TMC5: variants seen among roughly 807,000 people sequenced by gnomAD.
TMC5 encodes the protein transmembrane channel like 5, also known as transmembrane channel-like protein 5.
In TMC5, 86 loss-of-function variants were observed where a neutral mutation model predicts 110.5. The ratio of observed to expected loss-of-function variants is 0.78; its 90% confidence interval spans 0.65 to 0.93. TMC5 has a LOEUF of 0.93. Ranked by LOEUF, TMC5 falls within the 40% of genes least tolerant of loss-of-function variation. The pLI, the probability that TMC5 is intolerant of heterozygous loss-of-function variation, is 0.00. For missense variants in TMC5, 1,144 were observed against 1,222.8 expected (o/e 0.94, Z 0.96); for synonymous variants, 455 against 439.5 (o/e 1.04, Z -0.44).
In TMC5 at chr16:19,492,915, G is replaced by GATATATAT. The variant is rs772226428; in HGVS notation, c.2826+698_2826+705dup. ...ATTATTTTTTATTTATTAAAACTTA[G>GATATATAT]ATATATATATATATATATCTCTCTA... On this transcript the variant is annotated intron_variant, in intron 19 of 21. Transcript: ENST00000542583. Among the ~76,000 whole-genome samples, 2 of 42,752 alleles carry GATATATAT rather than the reference G, an allele frequency of 4.7e-5. 1 individual carries two copies. Among genetic ancestry groups the GATATATAT allele is most frequent in the East Asian group, 7.2e-4 (2 of 2,778 alleles). 28.0% of individuals were successfully genotyped at this position (42,752 alleles called of 152,430 possible). A position where few individuals can be genotyped will look rare whatever the true frequency, so the allele number is the denominator to read the frequency against.
chr16:19,488,900 T>C (rs1238891294), intron 17 of TMC5, among the ~76,000 whole-genome samples: 1 of 152,208 alleles, frequency 6.6e-6, no homozygotes, highest in African/African-American at 2.4e-5. Flanking sequence ...CTTAACAGAA[T>C]AAGCCATGGT....
At position 19,417,892 on chromosome 16, in the gene TMC5, C is replaced by T. The variant is rs142799648; in HGVS notation, c.-508C>T. 1 of 152,312 alleles carries T rather than the reference C, an allele frequency of 6.6e-6. No homozygotes were observed. The highest frequency in any genetic ancestry group is 3.4e-3 in the Middle Eastern group (1 of 296). 9.4% of individuals were successfully genotyped at this position (152,312 alleles called of 1,614,324 possible). ...TGAGCTCAGTAAACAACCCCCTTCC[C>T]GTGATCTTCGTGGCTTCCCGCCCAG... On this transcript the variant is annotated 5_prime_UTR_variant, in exon 1 of 22. Transcript: ENST00000542583.
intron 4 of TMC5, among the ~76,000 whole-genome samples, chr16:19,446,002 G>A (rs1433974519): frequency 3.5e-5 from 5 of 143,728 alleles, no homozygotes; most frequent in Admixed American, 2.8e-4. Flanking sequence ...GTGACAAAGC[G>A]AGACCCTGTC....
chr16:19,428,895 G>A (rs921479200), intron 1 of TMC5, among the ~76,000 whole-genome samples: 2 of 152,064 alleles, frequency 1.3e-5, no homozygotes, highest in Non-Finnish European at 2.9e-5. Context: ...GCATGATCTC[G>A]GCTTACTGCA....
chr16:19,459,312 A>G (rs1205439026), intron 5 of TMC5, among the ~76,000 whole-genome samples: 1 of 152,136 alleles, frequency 6.6e-6, no homozygotes, highest in Non-Finnish European at 1.5e-5. Context: ...GGAGGAAATG[A>G]ATTTGGGGTA....
intron 1 of TMC5, among the ~76,000 whole-genome samples, chr16:19,419,200 T>C (rs1419683153): frequency 2.0e-5 from 3 of 152,152 alleles, no homozygotes; most frequent in Non-Finnish European, 2.9e-5. Flanking sequence ...CCCCATAAAG[T>C]TGTTTGAGCA....
At position 19,487,000 on chromosome 16, in the gene TMC5, A is replaced by T; in HGVS notation, c.2419A>T (p.Ile807Phe). Residue 807 changes from isoleucine to phenylalanine, a missense_variant, in exon 16 of 22, where the codon ATC becomes TTC. Ile to Phe is a conservative substitution (Grantham distance 21). Coordinates refer to ENST00000542583, the MANE Select transcript of TMC5 (RefSeq NM_001261841.2). ...LPFIQMIMLF[I>F]MFYSKNISLM... ...CTTTATCCAAATGATTATGCTTTTC[A>T]TCATGTTCTACTCCAAAAATGTGAG... 2 of 1,613,932 alleles carry T rather than the reference A, an allele frequency of 1.2e-6. No homozygotes were observed. Among genetic ancestry groups the T allele is most frequent in the Non-Finnish European group, 1.7e-6 (2 of 1,180,014 alleles).
At chr16:19,457,281 C>T (rs1016697876) in intron 5 of TMC5, among the ~76,000 whole-genome samples, 1 of 152,150 alleles carries the variant, frequency 6.6e-6, no homozygotes, top group Non-Finnish European at 1.5e-5. Context: ...GTGGTCCCAG[C>T]TACTCAGGAG....
intron 2 of TMC5, among the ~76,000 whole-genome samples, chr16:19,437,249 T>G (rs1184184640): frequency 1.3e-5 from 2 of 152,202 alleles, no homozygotes; most frequent in Admixed American, 6.5e-5. Flanking sequence ...CCTACAGTTC[T>G]GATAAAACTC....
chr16:19,421,530 G>A (rs530077387), intron 1 of TMC5, among the ~76,000 whole-genome samples: 13 of 152,266 alleles, frequency 8.5e-5, no homozygotes, highest in African/African-American at 2.9e-4. Context: ...GTGGAACTGT[G>A]AGTCCATTAA....
In TMC5 at chr16:19,472,226, G is replaced by C. The variant is rs1447905647; in HGVS notation, c.1921G>C (p.Ala641Pro). The C allele has an allele frequency of 6.2e-7, 1 of 1,613,856 alleles. No homozygotes were observed. Among genetic ancestry groups the C allele is most frequent in the Non-Finnish European group, 8.5e-7 (1 of 1,179,986 alleles). Residue 641 changes from alanine (A) to proline (P), a missense_variant, in exon 11 of 22, where the codon GCT becomes CCT. By Grantham distance (27) the Ala-to-Pro change is conservative. Transcript: ENST00000542583. ...IACCAAVYYLAEYNLEFLKTH... is the reference protein window; with the variant it reads ...IACCAAVYYLPEYNLEFLKTH... ...CTGCTGTGCAGCCGTTTATTACCTG[G>C]CTGAGTACAACTTAGAGGTAACCAA...
chr16:19,433,246 A>G (rs1225686281), intron 2 of TMC5, among the ~76,000 whole-genome samples: 1 of 152,260 alleles, frequency 6.6e-6, no homozygotes, highest in African/African-American at 2.4e-5. Flanking sequence ...TGAGCCATGC[A>G]GTCATGCAGG....
chr16:19,436,062 G>A (rs1329642017), intron 2 of TMC5, among the ~76,000 whole-genome samples: 1 of 151,946 alleles, frequency 6.6e-6, no homozygotes, highest in Non-Finnish European at 1.5e-5. Flanking sequence ...AGGAGTTCGA[G>A]ACCAGTCTGG....
intron 20 of TMC5, 63 bp downstream of exon 20, chr16:19,494,429 G>A (rs2856608): frequency 0.71 from 795,352 of 1,126,994 alleles, 287,128 homozygotes; most frequent in South Asian, 0.78. Flanking sequence ...TAAAAAGCGC[G>A]TCAGAGAACT....
At chr16:19,414,661 C>T (rs920903579), upstream of TMC5, among the ~76,000 whole-genome samples, 5 of 152,272 alleles carry the variant, frequency 3.3e-5, no homozygotes, top group African/African-American at 1.2e-4. Context: ...AATCCCAGAA[C>T]CTTGGGAGGC....
rs1969113094 is a variant in TMC5, at chr16:19,498,567, C to T, written c.*601C>T. 1 of 151,204 alleles carries T rather than the reference C, an allele frequency of 6.6e-6. No homozygotes were observed. The highest frequency in any genetic ancestry group is 2.5e-5 in the African/African-American group (1 of 40,126). The allele number at this position is 151,204 out of a possible 1,614,324, so 9.4% of individuals were successfully genotyped here. On this transcript the variant is annotated 3_prime_UTR_variant, in exon 22 of 22. Transcript: ENST00000542583. The stretch of plus-strand genomic sequence containing the variant: ...GTCGGGGATGGAGGAGGTTCTGCCC[C>T]TGTGAGGTGTTATACATGACCATCA...
chr16:19,469,131 A>G (rs901113000), intron 9 of TMC5, among the ~76,000 whole-genome samples: 1 of 152,144 alleles, frequency 6.6e-6, no homozygotes, highest in Non-Finnish European at 1.5e-5. Flanking sequence ...AACTGGGTGG[A>G]TTACTTGAGG....
chr16:19,440,658 A>C lies in TMC5; in HGVS notation c.620A>C (p.Tyr207Ser). ...GCAGACTCTCTGGGAAAGCCTGATT[A>C]TCCAGGCGCTGACATTCAACCTAAC... Reference protein sequence around the residue: ...PYADSLGKPDYPGADIQPNSP... With the variant: ...PYADSLGKPDSPGADIQPNSP... Residue 207 changes from tyrosine to serine, a missense_variant, in exon 3 of 22, where the codon TAT (tyrosine) becomes TCT (serine). Tyr to Ser is a moderately radical substitution (Grantham distance 144). Coordinates refer to ENST00000542583, the MANE Select transcript of TMC5 (RefSeq NM_001261841.2). The C allele has an allele frequency of 6.2e-7, 1 of 1,614,220 alleles. No individual in the cohort carries two copies. Among genetic ancestry groups the C allele is most frequent in the South Asian group, 1.1e-5 (1 of 91,088 alleles).
intron 2 of TMC5, among the ~76,000 whole-genome samples, chr16:19,431,346 G>T (rs993743561): frequency 1.6e-4 from 24 of 152,026 alleles, no homozygotes; most frequent in African/African-American, 5.8e-4. Flanking sequence ...TTCGGTAGCA[G>T]CCTGGCCAAC....
Sources: gnomAD v4.1 joint callset for allele counts (sites outside exome capture counted in the v4.1 genomes callset) on GRCh38, gnomAD v4.1.1 for gene constraint, MANE v1.5 for transcripts, NCBI Gene and HGNC (gene_info 2026-07-23, HGNC 2026-07-21) for gene names.